ERBB4: variants seen among roughly 807,000 people sequenced by gnomAD.
ERBB4 encodes receptor tyrosine-protein kinase erbB-4.
In ERBB4, 42 loss-of-function variants were observed where a neutral mutation model predicts 158.0. The observed-to-expected ratio is 0.27, with a 90% CI of 0.21 to 0.34. ERBB4 has a LOEUF of 0.34. Ranked by LOEUF, ERBB4 falls within the 10% of genes least tolerant of loss-of-function variation. ERBB4 has a pLI of 1.00. For synonymous variants in ERBB4, 583 were observed against 558.7 expected (o/e 1.04, Z -0.61); for missense variants, 1,333 against 1,624.1 (o/e 0.82, Z 3.08).
Position 212,109,246 on chromosome 2 carries a change from G to A in ERBB4, c.234+15506C>T, listed in dbSNP as rs901886279. ...TACAAGGTGTTCAGTTAAGAGTTCC[G>A]GTCCATTTTCCCATCTAACAAGGCA... On this transcript the variant is annotated intron_variant, in intron 2 of 27. Transcript: ENST00000342788. Among the ~76,000 whole-genome samples the A allele has an allele frequency of 9.2e-5, 14 of 152,130 alleles. 1 individual carries two copies. In the South Asian group the frequency reaches 1.7e-3, roughly 18 times the overall value.
chr2:212,014,983 G>A (rs1447596098), intron 2 of ERBB4, among the ~76,000 whole-genome samples: 1 of 143,134 alleles, frequency 7.0e-6, no homozygotes, highest in African/African-American at 2.6e-5. Context: ...ACGAGGTAAG[G>A]AGAACAAGAC....
At chr2:212,187,477 A>G (rs2082049572) in intron 1 of ERBB4, among the ~76,000 whole-genome samples, 1 of 151,596 alleles carries the variant, frequency 6.6e-6, no homozygotes, top group Non-Finnish European at 1.5e-5. Context: ...TTATAATTAT[A>G]CAAATTATAT....
At chr2:212,525,500 T>C (rs1575082203) in intron 1 of ERBB4, among the ~76,000 whole-genome samples, 2 of 151,982 alleles carry the variant, frequency 1.3e-5, no homozygotes, top group South Asian at 4.1e-4. Context: ...TTAACAGATA[T>C]ATAAATAACA....
At chr2:212,155,521 G>C (rs1054017231) in intron 1 of ERBB4, among the ~76,000 whole-genome samples, 1 of 152,010 alleles carries the variant, frequency 6.6e-6, no homozygotes, top group Non-Finnish European at 1.5e-5. Flanking sequence ...AGCATCTTCT[G>C]GGGGTGGAGG....
chr2:212,123,577 A>G (rs148419062), intron 2 of ERBB4, among the ~76,000 whole-genome samples: 8 of 152,288 alleles, frequency 5.3e-5, no homozygotes, highest in Non-Finnish European at 7.4e-5. Flanking sequence ...AGCTCTATCA[A>G]TCAAGTAGAG....
intron 1 of ERBB4, among the ~76,000 whole-genome samples, chr2:212,356,728 AAAC>A (rs1293292021): frequency 2.0e-5 from 3 of 149,706 alleles, no homozygotes; most frequent in Non-Finnish European, 3.0e-5. Context: ...TGTAAAAAAA[AAAC>A]ATTCCTTGAT....
chr2:212,272,696 T>G (rs1300581392), intron 1 of ERBB4, among the ~76,000 whole-genome samples: 2 of 151,824 alleles, frequency 1.3e-5, no homozygotes, highest in Non-Finnish European at 2.9e-5. Context: ...AATGCAAGTT[T>G]CAAGATTTGA....
chr2:211,670,197 G>A (rs2071785404), intron 14 of ERBB4, among the ~76,000 whole-genome samples: 1 of 152,014 alleles, frequency 6.6e-6, no homozygotes, highest in Non-Finnish European at 1.5e-5. Flanking sequence ...CTCTAGTTGT[G>A]GTCATTAACA....
chr2:212,139,551 AT>A (rs781714506), intron 1 of ERBB4, among the ~76,000 whole-genome samples: 2 of 151,912 alleles, frequency 1.3e-5, no homozygotes, highest in African/African-American at 4.8e-5. Flanking sequence ...ATAATTGATG[AT>A]TTTTTTCCTT....
rs555106895 is a variant in ERBB4 at position 211,416,711 on chromosome 2, GAA to G, written c.3135+3728_3135+3729del. Among the ~76,000 whole-genome samples the G allele has an allele frequency of 2.0e-5, 3 of 151,946 alleles. No individual in the cohort carries two copies. The South Asian group carries it at 6.2e-4, about 32-fold the overall frequency. Reference sequence around the variant, plus strand: ...CCTTGCTTCCAACTTCAGACCAACAGAAAAAAGTCAAACATGCACCTCTAACC... The same window carrying G: ...CCTTGCTTCCAACTTCAGACCAACAGAAAAGTCAAACATGCACCTCTAACC... On this transcript the variant is annotated intron_variant, in intron 25 of 27. Transcript: ENST00000342788.
intron 3 of ERBB4, among the ~76,000 whole-genome samples, chr2:211,869,302 C>T (rs766681892): frequency 7.9e-5 from 12 of 152,142 alleles, no homozygotes; most frequent in Non-Finnish European, 1.3e-4. Flanking sequence ...GATTGTTAGT[C>T]CTTTCTACAA....
At chr2:211,991,196 C>T (rs563766721) in intron 2 of ERBB4, among the ~76,000 whole-genome samples, 1 of 151,708 alleles carries the variant, frequency 6.6e-6, no homozygotes, top group East Asian at 1.9e-4. Context: ...GACAATGTTC[C>T]AGAACTGAAG....
At chr2:211,910,791 C>A (rs576638961) in intron 3 of ERBB4, among the ~76,000 whole-genome samples, 5 of 152,062 alleles carry the variant, frequency 3.3e-5, no homozygotes, top group Admixed American at 2.0e-4. Context: ...ATTATTCAGA[C>A]GTTATCAGCA....
chr2:211,782,816 A>G (rs1159739838), intron 4 of ERBB4, among the ~76,000 whole-genome samples: 2 of 152,190 alleles, frequency 1.3e-5, no homozygotes, highest in Non-Finnish European at 2.9e-5. Flanking sequence ...TGATGCCTAC[A>G]GCTTTGTTCT....
intron 20 of ERBB4, among the ~76,000 whole-genome samples, chr2:211,541,782 C>T (rs1304715102): frequency 6.6e-6 from 1 of 151,958 alleles, no homozygotes; most frequent in East Asian, 1.9e-4. Flanking sequence ...AGCAGTTTCT[C>T]CCTATGCATG....
At chr2:211,658,386 A>C (rs1019169934) in intron 15 of ERBB4, among the ~76,000 whole-genome samples, 1 of 152,164 alleles carries the variant, frequency 6.6e-6, no homozygotes, top group African/African-American at 2.4e-5. Context: ...TAAATAAAAA[A>C]AAAACAATAA....
intron 16 of ERBB4, among the ~76,000 whole-genome samples, chr2:211,645,714 G>T (rs1285851670): frequency 4.0e-5 from 6 of 151,600 alleles, no homozygotes; most frequent in Non-Finnish European, 8.9e-5. Flanking sequence ...TTTTAGAAAG[G>T]TATGAAAGAT....
chr2:211,844,716 C>T (rs2077550901), intron 3 of ERBB4, among the ~76,000 whole-genome samples: 1 of 152,102 alleles, frequency 6.6e-6, no homozygotes, highest in Non-Finnish European at 1.5e-5. Context: ...AGTTTGGCTG[C>T]ATTCACAATA....
chr2:211,939,683 C>G (rs150550350), intron 3 of ERBB4, among the ~76,000 whole-genome samples: 5,242 of 152,214 alleles, frequency 0.034, 133 homozygotes, highest in Middle Eastern at 0.088. Flanking sequence ...CATGGTGGCT[C>G]ACACCTGTAA....
Sources: gnomAD v4.1 joint callset for allele counts (sites outside exome capture counted in the v4.1 genomes callset) on GRCh38, gnomAD v4.1.1 for gene constraint, MANE v1.5 for transcripts, NCBI Gene and HGNC (gene_info 2026-07-23, HGNC 2026-07-21) for gene names.